Variants in ZNF76 observed in about 807,000 individuals in gnomAD.
ZNF76 encodes the protein zinc finger protein 76.
In ZNF76, 66 loss-of-function variants were observed where a neutral mutation model predicts 66.9. The observed-to-expected ratio is 0.99, with a 90% confidence interval of 0.81 to 1.21. The LOEUF (loss-of-function observed/expected upper bound fraction) is 1.21. Among genes scored for constraint, ZNF76 ranks in the 50% most tolerant of loss-of-function variants. The probability of loss-of-function intolerance (pLI) is 0.00; values close to 1 mark genes in which losing one functional copy is unlikely to be tolerated. For synonymous variants in ZNF76, 275 were observed against 296.1 expected (o/e 0.93, Z 0.73); for missense variants, 729 against 760.3 (o/e 0.96, Z 0.48).
intron 2 of ZNF76, among the ~76,000 whole-genome samples, chr6:35,285,551 G>T (rs1789438627): frequency 6.6e-6 from 1 of 152,174 alleles, no homozygotes; most frequent in Admixed American, 6.5e-5. Flanking sequence ...GCACAGAGAG[G>T]TTAGTTAAAT....
At chr6:35,277,169 C>G (rs1018268597) in intron 1 of ZNF76, among the ~76,000 whole-genome samples, 2 of 151,974 alleles carry the variant, frequency 1.3e-5, no homozygotes, top group South Asian at 4.1e-4. Context: ...AGCGGGTTAC[C>G]CAAAGAATCT....
chr6:35,291,494 C>T, intron 8 of ZNF76, 64 bp from the exon 9 acceptor site: 3 of 1,607,094 alleles, frequency 1.9e-6, no homozygotes, highest in South Asian at 1.1e-5. Context: ...CCAGTGCCAT[C>T]CCCAGCTTGC....
chr6:35,264,917 A>G (rs1785772019), intron 1 of ZNF76, among the ~76,000 whole-genome samples: 1 of 152,132 alleles, frequency 6.6e-6, no homozygotes. Context: ...TGAGGCAGTA[A>G]GGAGGAAAGA....
chr6:35,293,008 C>A lies in ZNF76; in HGVS notation c.1293C>A (p.Pro431=), dbSNP rs774273899. 1.9e-6 allele frequency: 3 copies of A among 1,613,970 alleles called. No individual in the cohort carries two copies. In the East Asian group the frequency reaches 6.7e-5, roughly 36 times the overall value. The change falls in exon 11 of 14, where the codon CCC becomes CCA. Residue 431 remains proline (P), a synonymous_variant. Transcript: ENST00000373953. ...TGGTGACTGAAGAAGATGGGGCCCC[C>A]CAGGTGGCTCTGATCACTCAGGATG... ...VAMVTEEDGA[P]QVALITQDGA... is the part of the protein sequence containing the mutation.
Position 35,268,084 on chromosome 6 carries a change from A to G in ZNF76, c.-97+8243A>G, listed in dbSNP as rs368346100. Among the ~76,000 whole-genome samples the G allele has an allele frequency of 3.9e-4, 60 of 152,368 alleles. 1 individual carries two copies. The highest frequency in any genetic ancestry group is 1.4e-3 in the African/African-American group (58 of 41,590). On this transcript the variant is annotated intron_variant, in intron 1 of 13. Transcript: ENST00000373953. Reference sequence around the variant, plus strand: ...TCTGAGCTAAAGAGCTCAGTTAGCTATGTAACCTAGTAGTATTAATCATTT... The same window carrying G: ...TCTGAGCTAAAGAGCTCAGTTAGCTGTGTAACCTAGTAGTATTAATCATTT...
chr6:35,281,225 G>T lies in ZNF76; in HGVS notation c.73+1G>T, dbSNP rs750056338. 3 of 1,613,466 alleles carry T rather than the reference G, an allele frequency of 1.9e-6. No homozygotes were observed. The highest frequency in any genetic ancestry group is 2.5e-6 in the Non-Finnish European group (3 of 1,179,962). On this transcript the variant is annotated splice_donor_variant, in intron 2 of 13. Transcript: ENST00000373953. LOFTEE classifies it high-confidence loss of function. The stretch of plus-strand genomic sequence containing the variant: ...GCCTACGTCCAGCAAGCTGTCAAAG[G>T]TAAGTATTTCTGGGGACCTCAGGAT...
chr6:35,278,200 CT>C (rs367683664), intron 1 of ZNF76, among the ~76,000 whole-genome samples: 45 of 151,766 alleles, frequency 3.0e-4, no homozygotes, highest in African/African-American at 1.0e-3. Flanking sequence ...CGGAGTTTCG[CT>C]GTTGTTGCCC....
At position 35,293,091 on chromosome 6, in the gene ZNF76, A is replaced by ACT. The variant is rs764042178; in HGVS notation, c.1329+54_1329+55dup. ...GGTGCCATACTAGCTGGCACTCTCC[A>ACT]CTCTCTCTGGGGACTCTGGGAGCCC... On this transcript the variant is annotated intron_variant, in intron 11 of 13. Coordinates refer to ENST00000373953, the MANE Select transcript of ZNF76 (RefSeq NM_003427.5). The ACT allele has an allele frequency of 4.2e-5, 67 of 1,594,578 alleles. 2 individuals carry two copies. The South Asian group carries it at 7.4e-4, about 18-fold the overall frequency.
At chr6:35,271,061 A>G (rs1164473638) in intron 1 of ZNF76, among the ~76,000 whole-genome samples, 5 of 152,340 alleles carry the variant, frequency 3.3e-5, no homozygotes, top group Middle Eastern at 3.4e-3. Context: ...TCAATATGTA[A>G]GGAGCTTCCT....
At position 35,287,891 on chromosome 6, in the gene ZNF76, G is replaced by T; in HGVS notation, c.432+46G>T. ...ACGGTCTGTCACTCTAGACAACCGGGCCTGGCCTGCGCACTGCCTCTTGGC... is the reference window on the plus strand; with the variant it reads ...ACGGTCTGTCACTCTAGACAACCGGTCCTGGCCTGCGCACTGCCTCTTGGC... On this transcript the variant is annotated intron_variant, in intron 5 of 13. Transcript: ENST00000373953. This position sits in a 1 kb window ranked among gnomAD's most constrained non-coding sequence, Gnocchi z 4.0. The T allele has an allele frequency of 6.5e-7, 1 of 1,546,414 alleles. No individual in the cohort carries two copies. The highest frequency in any genetic ancestry group is 8.7e-7 in the Non-Finnish European group (1 of 1,144,406).
At position 35,292,950 on chromosome 6, in the gene ZNF76, AAG is replaced by A; in HGVS notation, c.1243_1244del (p.Asp415Ter). On this transcript the variant is annotated frameshift_variant, in exon 11 of 14. Coordinates refer to ENST00000373953, the MANE Select transcript of ZNF76 (RefSeq NM_003427.5). LOFTEE classifies it high-confidence loss of function. The surrounding 1 kb of genome is among the most constrained non-coding windows in gnomAD (Gnocchi z 4.7). ...ATAGCTTACCTTTCGGAGGTGAAGG[AAG>A]AGAGAGATGACATCCCAGCCCAGGT... 1 of 1,614,190 alleles carries A rather than the reference AAG, an allele frequency of 6.2e-7. No homozygotes were observed. Among genetic ancestry groups the A allele is most frequent in the Admixed American group, 1.7e-5 (1 of 60,024 alleles).
chr6:35,279,670 A>C (rs1031053178), intron 1 of ZNF76: 17 of 151,906 alleles, frequency 1.1e-4, no homozygotes, highest in African/African-American at 4.1e-4. Flanking sequence ...CTCGTGATCC[A>C]CTGTCCTCGG....
intron 5 of ZNF76, among the ~76,000 whole-genome samples, chr6:35,288,795 CA>C (rs1789965938): frequency 6.6e-6 from 1 of 151,888 alleles, no homozygotes; most frequent in Non-Finnish European, 1.5e-5. Flanking sequence ...CATCTCTACA[CA>C]AAAATACAAA....
chr6:35,261,935 A>G (rs888643439), intron 1 of ZNF76, among the ~76,000 whole-genome samples: 3 of 152,184 alleles, frequency 2.0e-5, no homozygotes, highest in Admixed American at 1.3e-4. Context: ...GAGGGAAAAT[A>G]TCTTCTTAGG....
intron 1 of ZNF76, among the ~76,000 whole-genome samples, chr6:35,277,627 G>A (rs563613614): frequency 2.0e-3 from 300 of 152,284 alleles, no homozygotes; most frequent in African/African-American, 6.9e-3. Context: ...GATAATCATA[G>A]CATTTGATTG....
At chr6:35,293,246 G>A (rs1487700720) in intron 11 of ZNF76, among the ~76,000 whole-genome samples, 3 of 152,188 alleles carry the variant, frequency 2.0e-5, no homozygotes, top group African/African-American at 7.2e-5. Flanking sequence ...TCAGTCTCTG[G>A]GGCTTCTAGA....
rs986175312 is a variant in ZNF76, at chr6:35,287,703, A to G, written c.290A>G (p.Tyr97Cys). Residue 97 changes from tyrosine to cysteine, a missense_variant, in exon 5 of 14, where the codon TAC (tyrosine) becomes TGC (cysteine). Coordinates refer to ENST00000373953, the MANE Select transcript of ZNF76 (RefSeq NM_003427.5). The surrounding 1 kb of genome is among the most constrained non-coding windows in gnomAD (Gnocchi z 4.0). ...CAACTGGAAGATGGCTCCACTGCCT[A>G]CATTCACCACCCTGTGGCTGTGCCA... The part of the protein sequence containing the change: ...AVQLEDGSTA[Y>C]IHHPVAVPSE... 6.2e-7 allele frequency: 1 copy of G among 1,614,222 alleles called. No homozygotes were observed. The highest frequency in any genetic ancestry group is 8.5e-7 in the Non-Finnish European group (1 of 1,180,030).
At chr6:35,269,356 G>A (rs1166381630) in intron 1 of ZNF76, among the ~76,000 whole-genome samples, 1 of 150,276 alleles carries the variant, frequency 6.7e-6, no homozygotes, top group Non-Finnish European at 1.5e-5. Context: ...AGAAGGATTT[G>A]TGATGTTGGA....
intron 2 of ZNF76, among the ~76,000 whole-genome samples, chr6:35,285,333 T>G (rs1562117065): frequency 6.6e-6 from 1 of 152,240 alleles, no homozygotes; most frequent in Admixed American, 6.5e-5. Flanking sequence ...AGCATAATAG[T>G]TGTGCTCACA....
Sources: allele counts gnomAD v4.1 joint callset (sites outside exome capture counted in the v4.1 genomes callset), GRCh38; gene constraint gnomAD v4.1.1; non-coding constraint Gnocchi (gnomAD v3.1); transcripts MANE v1.5; gene names NCBI Gene and HGNC (gene_info 2026-07-23, HGNC 2026-07-21).